RBFOX1: variants seen among roughly 807,000 people sequenced by gnomAD.
The protein encoded by RBFOX1 is RNA binding fox-1 homolog 1.
In RBFOX1, 8 loss-of-function variants were observed where a neutral mutation model predicts 57.7. The ratio of observed to expected loss-of-function variants is 0.14; its 90% CI spans 0.08 to 0.25. The LOEUF (loss-of-function observed/expected upper bound fraction) is 0.25. RBFOX1 is among the 10% of genes least tolerant of loss of function. The probability of loss-of-function intolerance (pLI) is 1.00; values close to 1 mark genes in which losing one functional copy is unlikely to be tolerated. For missense variants in RBFOX1, 611 were observed against 548.5 expected (o/e 1.11, Z -1.14); for synonymous variants, 326 against 222.4 (o/e 1.47, Z -4.15).
intron 2 of RBFOX1, among the ~76,000 whole-genome samples, chr16:5,576,836 G>A (rs989586534): frequency 6.6e-6 from 1 of 152,220 alleles, no homozygotes; most frequent in Non-Finnish European, 1.5e-5. Flanking sequence ...GAGCGCTAGA[G>A]AACTAAATAA....
intron 2 of RBFOX1, among the ~76,000 whole-genome samples, chr16:6,576,207 G>C (rs752886641): frequency 6.6e-6 from 1 of 152,090 alleles, no homozygotes; most frequent in African/African-American, 2.4e-5. Flanking sequence ...AGGCTTTCGA[G>C]TGGGTGGAGC....
At chr16:6,838,132 A>C (rs1479814204) in intron 3 of RBFOX1, among the ~76,000 whole-genome samples, 1 of 152,058 alleles carries the variant, frequency 6.6e-6, no homozygotes, top group Non-Finnish European at 1.5e-5. Flanking sequence ...TCTAGGTTTA[A>C]AGCCCCACAT....
chr16:7,594,215 A>G (rs2094579591), intron 7 of RBFOX1, among the ~76,000 whole-genome samples: 1 of 151,778 alleles, frequency 6.6e-6, no homozygotes, highest in Admixed American at 6.6e-5. Flanking sequence ...GTGATTATAG[A>G]GAACTAATGT....
chr16:6,529,259 T>C (rs1044277033), intron 2 of RBFOX1, among the ~76,000 whole-genome samples: 3 of 152,246 alleles, frequency 2.0e-5, no homozygotes, highest in Admixed American at 2.0e-4. Context: ...AGTTCTACTA[T>C]GCATAAAAAA....
chr16:5,526,256 C>T (rs895536990), intron 2 of RBFOX1, among the ~76,000 whole-genome samples: 2 of 151,482 alleles, frequency 1.3e-5, no homozygotes, highest in East Asian at 1.9e-4. Context: ...TGACAGCAAC[C>T]CTAAGCAACA....
Position 6,425,080 on chromosome 16 carries a change from T to C in RBFOX1, c.-64+108023T>C, listed in dbSNP as rs111330516. 1.1e-3 allele frequency among the ~76,000 whole-genome samples: 170 copies of C among 152,304 alleles called. 1 individual carries two copies. The highest frequency in any genetic ancestry group is 3.8e-3 in the African/African-American group (160 of 41,566). On this transcript the variant is annotated intron_variant, in intron 2 of 15. Coordinates refer to ENST00000550418, the MANE Select transcript of RBFOX1 (RefSeq NM_018723.4). Reference sequence around the variant, plus strand: ...TATCTTTGCAGATTTCCACAAATAATTTATTTGACTTTAATAATAAGGATG... The same window carrying C: ...TATCTTTGCAGATTTCCACAAATAACTTATTTGACTTTAATAATAAGGATG...
intron 4 of RBFOX1, among the ~76,000 whole-genome samples, chr16:7,205,022 A>G (rs2152745823): frequency 6.6e-6 from 1 of 152,288 alleles, no homozygotes; most frequent in East Asian, 1.9e-4. Flanking sequence ...ATGTGTAACA[A>G]GGGGAGGTGG....
At chr16:6,596,054 T>C (rs993538033) in intron 2 of RBFOX1, among the ~76,000 whole-genome samples, 8 of 152,108 alleles carry the variant, frequency 5.3e-5, no homozygotes, top group Middle Eastern at 3.2e-3. Context: ...TTTGAAAATA[T>C]TCTGTTTCAT....
chr16:5,944,228 A>C (rs2059344958), intron 4 of RBFOX1, among the ~76,000 whole-genome samples: 1 of 152,222 alleles, frequency 6.6e-6, no homozygotes, highest in Non-Finnish European at 1.5e-5. Flanking sequence ...AGAACGAGAT[A>C]CATGGGCTAC....
chr16:6,018,264 C>T (rs2095011647), upstream of RBFOX1, among the ~76,000 whole-genome samples: 1 of 151,726 alleles, frequency 6.6e-6, no homozygotes, highest in South Asian at 2.1e-4. Context: ...TTTCTCACTC[C>T]AGTCCAGAGT....
intron 3 of RBFOX1, among the ~76,000 whole-genome samples, chr16:6,950,223 G>A (rs568758514): frequency 3.3e-5 from 5 of 149,602 alleles, no homozygotes; most frequent in South Asian, 4.2e-4. Context: ...CTCCCAAAGC[G>A]CCGGGATTAC....
intron 3 of RBFOX1, among the ~76,000 whole-genome samples, chr16:6,680,871 T>A (rs2058547851): frequency 6.6e-6 from 1 of 152,236 alleles, no homozygotes; most frequent in Non-Finnish European, 1.5e-5. Context: ...CTGTTTCAGC[T>A]ACCATGGTGA....
intron 3 of RBFOX1, among the ~76,000 whole-genome samples, chr16:5,808,520 T>A (rs4383148): frequency 0.56 from 84,723 of 151,960 alleles, 24,490 homozygotes; most frequent in South Asian, 0.67. Flanking sequence ...AGTATGGCCA[T>A]TTTCACGATA....
intron 10 of RBFOX1, among the ~76,000 whole-genome samples, chr16:7,622,395 A>G (rs574154539): frequency 6.6e-6 from 1 of 152,336 alleles, no homozygotes; most frequent in East Asian, 1.9e-4. Context: ...GGGAACTCTT[A>G]TTGTTAGGTT....
chr16:7,412,641 A>C (rs75441812), intron 4 of RBFOX1, among the ~76,000 whole-genome samples: 2 of 152,248 alleles, frequency 1.3e-5, no homozygotes, highest in African/African-American at 4.8e-5. Flanking sequence ...ATTCTATCTT[A>C]GATTTCTCCC....
intron 2 of RBFOX1, among the ~76,000 whole-genome samples, chr16:5,523,702 G>C (rs1191059216): frequency 6.6e-6 from 1 of 152,256 alleles, no homozygotes; most frequent in Non-Finnish European, 1.5e-5. Context: ...ATACCCAGTA[G>C]TGGAGTTGCT....
chr16:5,894,561 C>T (rs1597675843), intron 4 of RBFOX1, among the ~76,000 whole-genome samples: 1 of 152,142 alleles, frequency 6.6e-6, no homozygotes, highest in South Asian at 2.1e-4. Flanking sequence ...AGGAGTGAGC[C>T]ACCATGCCCT....
At chr16:6,733,469 C>A (rs527917044) in intron 3 of RBFOX1, among the ~76,000 whole-genome samples, 1 of 152,230 alleles carries the variant, frequency 6.6e-6, no homozygotes, top group Non-Finnish European at 1.5e-5. Flanking sequence ...TTTTTGGTGG[C>A]TTTTATAAGG....
intron 2 of RBFOX1, among the ~76,000 whole-genome samples, chr16:5,578,722 A>C (rs1448161495): frequency 6.6e-6 from 1 of 152,116 alleles, no homozygotes; most frequent in African/African-American, 2.4e-5. Flanking sequence ...AAGTATCAGT[A>C]ATGAACCATG....
Sources: allele counts gnomAD v4.1 joint callset (sites outside exome capture counted in the v4.1 genomes callset), GRCh38; gene constraint gnomAD v4.1.1; transcripts MANE v1.5; gene names NCBI Gene and HGNC (gene_info 2026-07-23, HGNC 2026-07-21).